CLUAP1: variants seen among roughly 807,000 people sequenced by gnomAD.
CLUAP1 encodes intraflagellar transport 38.
CLUAP1 carries 50 observed loss-of-function variants against 55.0 expected under a neutral mutation model. That is an observed-to-expected ratio of 0.91 (90% confidence interval 0.72 to 1.15). CLUAP1 has a LOEUF of 1.15. Among genes scored for constraint, CLUAP1 ranks in the 50% most tolerant of loss-of-function variants. The probability of loss-of-function intolerance (pLI) is 0.00; values close to 1 mark genes in which losing one functional copy is unlikely to be tolerated. For synonymous variants in CLUAP1, 195 were observed against 175.4 expected (o/e 1.11, Z -0.88); for missense variants, 530 against 507.6 (o/e 1.04, Z -0.42).
chr16:3,500,677 C>A (rs552619136), upstream of CLUAP1, among the ~76,000 whole-genome samples: 5 of 152,206 alleles, frequency 3.3e-5, no homozygotes, highest in African/African-American at 9.6e-5. Context: ...AGCCAAGCAT[C>A]GTGCATTCTT....
At chr16:3,509,571 C>G (rs2037579515) in intron 4 of CLUAP1, among the ~76,000 whole-genome samples, 1 of 152,144 alleles carries the variant, frequency 6.6e-6, no homozygotes, top group African/African-American at 2.4e-5. Context: ...CAGGGAGCGA[C>G]CACAGCAGCA....
At position 3,533,264 on chromosome 16, in the gene CLUAP1, G is replaced by C. The variant is rs77967576; in HGVS notation, c.1092+423G>C. ...TGCTTCCTCTCTCCTGGGCAAAAAG[G>C]CCACTCAAAAGAGATCCTGTGGTGA... On this transcript the variant is annotated intron_variant, in intron 11 of 11. Transcript: ENST00000576634. The C allele has an allele frequency of 2.4e-3, 2,078 of 877,234 alleles. 29 individuals carry two copies. The African/African-American group carries it at 0.031, about 13-fold the overall frequency. 54.3% of individuals were successfully genotyped at this position (877,234 alleles called of 1,614,324 possible).
intron 7 of CLUAP1, among the ~76,000 whole-genome samples, chr16:3,522,791 AT>A (rs202015918): frequency 0.014 from 2,108 of 150,696 alleles, 39 homozygotes; most frequent in African/African-American, 0.047. Context: ...GGTATATTTA[AT>A]TTTTTTTTTA....
intron 10 of CLUAP1, among the ~76,000 whole-genome samples, chr16:3,531,038 A>G (rs1206192385): frequency 6.6e-6 from 1 of 152,200 alleles, no homozygotes; most frequent in East Asian, 1.9e-4. Flanking sequence ...AAGTTCTTCT[A>G]ATTCCTTTAC....
chr16:3,516,149 A>G (rs999017114), intron 6 of CLUAP1, among the ~76,000 whole-genome samples: 1 of 152,182 alleles, frequency 6.6e-6, no homozygotes, highest in African/African-American at 2.4e-5. Context: ...CAAGAACTGC[A>G]TTCCCAACTG....
At chr16:3,529,565 A>ATATTATATAATATTATATAT (rs2038032834) in intron 9 of CLUAP1, among the ~76,000 whole-genome samples, 3 of 47,612 alleles carry the variant, frequency 6.3e-5, no homozygotes, top group Admixed American at 4.0e-4. Context: ...ATATTATTAT[A>ATATTATATAATATTATATAT]TATTATATAT....
At chr16:3,498,534 C>T (rs2037336258), upstream of CLUAP1, among the ~76,000 whole-genome samples, 2 of 152,100 alleles carry the variant, frequency 1.3e-5, no homozygotes, top group Non-Finnish European at 1.5e-5. Context: ...CACGGCTGGG[C>T]ATGGTGGCTC....
intron 9 of CLUAP1, among the ~76,000 whole-genome samples, chr16:3,529,684 T>TATTATATATTATATAA (rs1567440051): frequency 1.4e-4 from 1 of 6,940 alleles, no homozygotes; most frequent in African/African-American, 6.0e-4. Flanking sequence ...ATATTATATA[T>TATTATATATTATATAA]TATTATATAT....
rs182248864 is a variant in CLUAP1 at position 3,507,654 on chromosome 16, C to A, written c.220-635C>A. 2.0e-3 allele frequency among the ~76,000 whole-genome samples: 301 copies of A among 149,552 alleles called. 6 individuals are homozygous for A. The South Asian group carries it at 0.028, about 14-fold the overall frequency. On this transcript the variant is annotated intron_variant, in intron 3 of 11. Transcript: ENST00000576634. ...CTGGGCCAAGTTCCATTCCAAATAA[C>A]CACTATTTTAAATCTCTTCCAGAGT...
chr16:3,531,794 A>G (rs898800820), intron 10 of CLUAP1, among the ~76,000 whole-genome samples: 2 of 152,142 alleles, frequency 1.3e-5, no homozygotes, highest in Non-Finnish European at 2.9e-5. Context: ...TTTAAAAATT[A>G]AGTACAATTG....
intron 5 of CLUAP1, chr16:3,515,289 T>C (rs1025249939): frequency 4.9e-6 from 2 of 405,492 alleles, no homozygotes; most frequent in Admixed American, 9.3e-5. Context: ...CCTAGGCCTC[T>C]GGCTGAAAAG....
chr16:3,533,415 G>A (rs1380780671), intron 11 of CLUAP1: 11 of 504,998 alleles, frequency 2.2e-5, no homozygotes, highest in Non-Finnish European at 3.6e-5. Flanking sequence ...GGAGGACGCC[G>A]AGGGCCGGGC....
rs151134070 is a variant in CLUAP1, at chr16:3,528,314, ACTCT to A, written c.928+1843_928+1846del. ...GGCCCACACACATGCTCCCACACAC[ACTCT>A]CTCTCTCTCTCTTTCTCTTTCTTTG... is the stretch of plus-strand genomic sequence containing the variant. On this transcript the variant is annotated intron_variant, in intron 9 of 11. Coordinates refer to ENST00000576634, the MANE Select transcript of CLUAP1 (RefSeq NM_015041.3). 3.6e-4 allele frequency among the ~76,000 whole-genome samples: 54 copies of A among 149,138 alleles called. 1 individual carries two copies. In the South Asian group the frequency reaches 9.0e-3, roughly 25 times the overall value.
At chr16:3,496,397 CG>C, upstream of CLUAP1, 2 of 1,078,922 alleles carry the variant, frequency 1.9e-6, no homozygotes, top group South Asian at 2.4e-5. Context: ...GTCCGTTTCC[CG>C]GATGATCCGG....
chr16:3,496,865 T>C (rs895271937), upstream of CLUAP1: 2 of 291,670 alleles, frequency 6.9e-6, no homozygotes, highest in Admixed American at 4.2e-5. Context: ...TTTTTCTTTT[T>C]TTCTTTTCTT....
intron 11 of CLUAP1, chr16:3,533,530 G>A (rs760079035): frequency 5.7e-4 from 136 of 240,130 alleles, no homozygotes; most frequent in Admixed American, 9.1e-4. Context: ...TGAGACATAA[G>A]CTGCCTTGAG....
chr16:3,521,413 A>C lies in CLUAP1; in HGVS notation c.713+1377A>C, dbSNP rs572074635. On this transcript the variant is annotated intron_variant, in intron 7 of 11. Coordinates refer to ENST00000576634, the MANE Select transcript of CLUAP1 (RefSeq NM_015041.3). ...AAGAAAAAGTTCAGCAAACCAGTATAGATTTTTATGGTTTTTTTTGTTTTT... is the reference window on the plus strand; with the variant it reads ...AAGAAAAAGTTCAGCAAACCAGTATCGATTTTTATGGTTTTTTTTGTTTTT... Among the ~76,000 whole-genome samples the C allele has an allele frequency of 1.0e-3, 152 of 151,798 alleles. 1 individual carries two copies. Among genetic ancestry groups the C allele is most frequent in the Admixed American group, 1.9e-3 (29 of 15,274 alleles).
In CLUAP1 at chr16:3,530,580, C is replaced by G; in HGVS notation, c.941C>G (p.Ser314Trp). 6.2e-7 allele frequency: 1 copy of G among 1,613,752 alleles called. No homozygotes were observed. The highest frequency in any genetic ancestry group is 8.5e-7 in the Non-Finnish European group (1 of 1,179,794). Residue 314 changes from serine to tryptophan, a missense_variant, in exon 10 of 12, where the codon TCG becomes TGG. Transcript: ENST00000576634. Reference protein sequence around the residue: ...RLLKSGSNDDSDIDIQEDDES... With the variant: ...RLLKSGSNDDWDIDIQEDDES... Reference sequence around the variant, plus strand: ...GTGTTCCTGCTAGGTAACGATGACTCGGACATAGACATCCAGGAGGACGAT... The same window carrying G: ...GTGTTCCTGCTAGGTAACGATGACTGGGACATAGACATCCAGGAGGACGAT...
intron 4 of CLUAP1, among the ~76,000 whole-genome samples, chr16:3,511,901 G>A (rs1429707788): frequency 6.6e-6 from 1 of 152,054 alleles, no homozygotes; most frequent in African/African-American, 2.4e-5. Context: ...AAAAATCTGT[G>A]GCTGGCCGGG....
Sources: allele counts gnomAD v4.1 joint callset (sites outside exome capture counted in the v4.1 genomes callset), GRCh38; gene constraint gnomAD v4.1.1; transcripts MANE v1.5; gene names NCBI Gene and HGNC (gene_info 2026-07-23, HGNC 2026-07-21).